Variants in PRICKLE2 observed in about 807,000 individuals in gnomAD.
The protein encoded by PRICKLE2 is prickle planar cell polarity protein 2.
Under a neutral mutation model 81.4 loss-of-function variants are expected in PRICKLE2, and 21 were observed. That is an observed-to-expected ratio of 0.26 (90% CI 0.18 to 0.37). The LOEUF is 0.37. PRICKLE2 is among the 10% of genes least tolerant of loss of function. The pLI is 1.00. For synonymous variants in PRICKLE2, 456 were observed against 421.5 expected, an observed-to-expected ratio of 1.08 and a Z score of -1.00; for missense variants, 940 against 1,109.0, an observed-to-expected ratio of 0.85 and a Z score of 2.16.
chr3:64,259,618 T>C (rs941199494), intron 2 of PRICKLE2, among the ~76,000 whole-genome samples: 1 of 92,312 alleles, frequency 1.1e-5, no homozygotes, highest in Admixed American at 1.1e-4. Context: ...ATAATTAAAT[T>C]GAAGGTTTTG....
At chr3:64,259,539 T>C (rs982567402) in intron 2 of PRICKLE2, among the ~76,000 whole-genome samples, 1 of 152,176 alleles carries the variant, frequency 6.6e-6, no homozygotes, top group Non-Finnish European at 1.5e-5. Flanking sequence ...GCCTCCCAAA[T>C]ATATGTCCAT....
At chr3:64,148,032 G>A (rs2077486720) in intron 6 of PRICKLE2, among the ~76,000 whole-genome samples, 1 of 152,164 alleles carries the variant, frequency 6.6e-6, no homozygotes, top group Non-Finnish European at 1.5e-5. Flanking sequence ...TGCTTTAAGA[G>A]CTTTATATAT....
intron 2 of PRICKLE2, among the ~76,000 whole-genome samples, chr3:64,172,079 T>C (rs2077941839): frequency 2.0e-5 from 3 of 152,240 alleles, no homozygotes; most frequent in African/African-American, 7.2e-5. Flanking sequence ...ATTATTTTAT[T>C]TAGAATATTA....
intron 2 of PRICKLE2, among the ~76,000 whole-genome samples, chr3:64,247,981 C>G (rs1230283767): frequency 6.6e-6 from 1 of 152,174 alleles, no homozygotes; most frequent in Non-Finnish European, 1.5e-5. Flanking sequence ...AAACTAACAT[C>G]TTCCCCATGC....
intron 1 of PRICKLE2, among the ~76,000 whole-genome samples, chr3:64,201,408 A>G (rs1033233244): frequency 1.3e-5 from 2 of 152,130 alleles, no homozygotes; most frequent in African/African-American, 4.8e-5. Context: ...CACATTTGTT[A>G]TTGTCTGTCT....
At chr3:64,124,981 A>C (rs1192002896) in intron 7 of PRICKLE2, among the ~76,000 whole-genome samples, 1 of 152,196 alleles carries the variant, frequency 6.6e-6, no homozygotes, top group Non-Finnish European at 1.5e-5. Context: ...GGGCAAAATA[A>C]ACTGAAAATC....
At chr3:64,168,547 G>A (rs894534880) in intron 2 of PRICKLE2, among the ~76,000 whole-genome samples, 5 of 152,118 alleles carry the variant, frequency 3.3e-5, no homozygotes, top group Non-Finnish European at 7.4e-5. Context: ...GTGACCCTAC[G>A]GCTTGACGCG....
At chr3:64,165,199 A>G (rs1025437824) in intron 2 of PRICKLE2, among the ~76,000 whole-genome samples, 1 of 152,146 alleles carries the variant, frequency 6.6e-6, no homozygotes, top group Admixed American at 6.5e-5. Flanking sequence ...CATTGCCTAG[A>G]GCACAGTCAG....
intron 7 of PRICKLE2, among the ~76,000 whole-genome samples, chr3:64,126,619 C>T (rs2077111188): frequency 6.6e-6 from 1 of 152,044 alleles, no homozygotes; most frequent in Non-Finnish European, 1.5e-5. Context: ...GCTCTGTTGC[C>T]CAGGCTGGAG....
intron 2 of PRICKLE2, among the ~76,000 whole-genome samples, chr3:64,241,108 T>G (rs1400402562): frequency 6.6e-6 from 1 of 152,218 alleles, no homozygotes; most frequent in East Asian, 1.9e-4. Context: ...TGTCATAGAA[T>G]GCAAGCTGTC....
intron 2 of PRICKLE2, among the ~76,000 whole-genome samples, chr3:64,171,871 T>A (rs1346907471): frequency 6.6e-6 from 1 of 152,222 alleles, no homozygotes; most frequent in East Asian, 1.9e-4. Flanking sequence ...ACTGTTTATT[T>A]CAGAGGAAGT....
At chr3:64,182,088 G>C (rs1028780719) in intron 2 of PRICKLE2, among the ~76,000 whole-genome samples, 2 of 152,028 alleles carry the variant, frequency 1.3e-5, no homozygotes, top group Non-Finnish European at 2.9e-5. Context: ...GTCTGAATTT[G>C]TACCCCCAAA....
intron 1 of PRICKLE2, among the ~76,000 whole-genome samples, chr3:64,209,695 G>T (rs903411083): frequency 5.9e-5 from 9 of 152,206 alleles, no homozygotes; most frequent in African/African-American, 1.7e-4. Context: ...CTAAGATGCT[G>T]GGCACACGAC....
chr3:64,135,491 T>C (rs1233719005), intron 7 of PRICKLE2, among the ~76,000 whole-genome samples: 1 of 152,130 alleles, frequency 6.6e-6, no homozygotes, highest in Admixed American at 6.5e-5. Context: ...TTAAAAGTCT[T>C]TGCACCAAGG....
Position 64,254,573 on chromosome 3 carries a change from A to G in PRICKLE2, c.129-55606T>C, listed in dbSNP as rs760835893. On this transcript the variant is annotated intron_variant, in intron 2 of 8. Transcript: ENST00000295902. The stretch of plus-strand genomic sequence containing the variant: ...GGCCAGGACTAATTATTATTAGAGT[A>G]CATTATACATTTGACCAACAATAAT... Among the ~76,000 whole-genome samples the G allele has an allele frequency of 2.6e-5, 4 of 152,206 alleles. No individual in the cohort carries two copies. The East Asian group carries it at 5.8e-4, about 22-fold the overall frequency.
intron 7 of PRICKLE2, among the ~76,000 whole-genome samples, chr3:64,126,986 A>C (rs2106978037): frequency 6.6e-6 from 1 of 152,296 alleles, no homozygotes; most frequent in South Asian, 2.1e-4. Context: ...CAGGTTTATC[A>C]AATGCCTACT....
At chr3:64,191,992 T>C (rs2078351430) in intron 2 of PRICKLE2, among the ~76,000 whole-genome samples, 2 of 152,220 alleles carry the variant, frequency 1.3e-5, no homozygotes, top group East Asian at 1.9e-4. Flanking sequence ...GTTTGCTAAA[T>C]GCAGCCGTTG....
chr3:64,242,384 C>G (rs1218926783), intron 2 of PRICKLE2, among the ~76,000 whole-genome samples: 1 of 152,180 alleles, frequency 6.6e-6, no homozygotes, highest in Non-Finnish European at 1.5e-5. Context: ...TTCACCTAAT[C>G]ACTTCCCAAC....
chr3:64,177,700 AAT>A (rs1341388229), intron 2 of PRICKLE2, among the ~76,000 whole-genome samples: 1 of 152,144 alleles, frequency 6.6e-6, no homozygotes. Flanking sequence ...TATTTCACCT[AAT>A]ATGTTTCCAA....
Sources: allele counts gnomAD v4.1 joint callset (sites outside exome capture counted in the v4.1 genomes callset), GRCh38; gene constraint gnomAD v4.1.1; transcripts MANE v1.5; gene names NCBI Gene and HGNC (gene_info 2026-07-23, HGNC 2026-07-21).